The following SATB1 variants were observed in gnomAD, a reference collection of about 807,000 sequenced individuals.
The protein encoded by SATB1 is SATB homeobox 1.
Under a neutral mutation model 86.9 loss-of-function variants are expected in SATB1, and 11 were observed. The ratio of observed to expected loss-of-function variants is 0.13; its 90% CI spans 0.08 to 0.21. The LOEUF is 0.21. Among genes scored for constraint, SATB1 ranks in the 10% least tolerant of loss-of-function variants. The probability of loss-of-function intolerance (pLI) is 1.00; values close to 1 mark genes in which losing one functional copy is unlikely to be tolerated. For missense variants in SATB1, 551 were observed against 937.6 expected (o/e 0.59, Z 5.39); for synonymous variants, 357 against 357.2 (o/e 1.00, Z 0.01).
In SATB1 at chr3:18,349,836, C is replaced by T. The variant is rs77208230; in HGVS notation, c.1780-154G>A. 0.03 allele frequency: 39,826 copies of T among 1,331,962 alleles called. 683 individuals are homozygous for T. Among genetic ancestry groups the T allele is most frequent in the Non-Finnish European group, 0.034 (34,863 of 1,010,790 alleles). 82.5% of individuals were successfully genotyped at this position (1,331,962 alleles called of 1,614,324 possible). A position where few individuals can be genotyped will look rare whatever the true frequency, so the allele number is the denominator to read the frequency against. ...AGAAAAGGTAGGCCGGCGAAATGGC[C>T]GACAGCATTTACAAAAAAATCAAAA... On this transcript the variant is annotated intron_variant, in intron 10 of 10. Coordinates refer to ENST00000338745, the MANE Select transcript of SATB1 (RefSeq NM_002971.6). This position sits in a 1 kb window ranked among gnomAD's most constrained non-coding sequence, Gnocchi z 5.5.
In SATB1 at chr3:18,373,830, CTCTT is replaced by C. The variant is rs532889648; in HGVS notation, c.1575+4336_1575+4339del. On this transcript the variant is annotated intron_variant, in intron 9 of 10. Coordinates refer to ENST00000338745, the MANE Select transcript of SATB1 (RefSeq NM_002971.6). ...TGTTATTTTTGCATAGTCAGAAATGCTCTTTATTTATATTTTTTTGTATTAAAAA... is the reference window on the plus strand; with the variant it reads ...TGTTATTTTTGCATAGTCAGAAATGCTATTTATATTTTTTTGTATTAAAAA... 3.8e-3 allele frequency among the ~76,000 whole-genome samples: 584 copies of C among 152,212 alleles called. 1 individual carries two copies. The highest frequency in any genetic ancestry group is 0.013 in the African/African-American group (539 of 41,540).
intron 9 of SATB1, among the ~76,000 whole-genome samples, chr3:18,367,827 T>G (rs1188359604): frequency 6.6e-6 from 1 of 152,214 alleles, no homozygotes; most frequent in African/African-American, 2.4e-5. Flanking sequence ...AACTGGGGGA[T>G]AATTTTTTAT....
At chr3:18,353,231 G>A (rs1049994958) in intron 9 of SATB1, 1 of 152,408 alleles carries the variant, frequency 6.6e-6, no homozygotes, top group Non-Finnish European at 1.5e-5. Flanking sequence ...GGCTGACCCA[G>A]TGGCACAAAG....
chr3:18,433,844 A>C (rs923609004), intron 2 of SATB1, among the ~76,000 whole-genome samples: 1 of 152,124 alleles, frequency 6.6e-6, no homozygotes, highest in Non-Finnish European at 1.5e-5. Flanking sequence ...TGGACTATAC[A>C]TGGACATTTT....
chr3:18,355,528 T>A (rs1694587018), intron 9 of SATB1, among the ~76,000 whole-genome samples: 1 of 152,044 alleles, frequency 6.6e-6, no homozygotes, highest in Non-Finnish European at 1.5e-5. Flanking sequence ...ACAATATTTT[T>A]AATATCTAAC....
At chr3:18,366,287 T>C (rs1695180685) in intron 9 of SATB1, among the ~76,000 whole-genome samples, 1 of 152,104 alleles carries the variant, frequency 6.6e-6, no homozygotes, top group East Asian at 1.9e-4. Context: ...AAATGAGCTG[T>C]CACTCCCTGC....
intron 5 of SATB1, among the ~76,000 whole-genome samples, chr3:18,400,593 T>C (rs1238262463): frequency 6.6e-6 from 1 of 152,206 alleles, no homozygotes; most frequent in Non-Finnish European, 1.5e-5. Flanking sequence ...AAATAATGAC[T>C]TGAAGAGACA....
chr3:18,434,961 TG>T (rs1699011616), intron 2 of SATB1: 1 of 152,148 alleles, frequency 6.6e-6, no homozygotes, highest in East Asian at 1.9e-4. Flanking sequence ...TATCCATGAC[TG>T]GTAAATTCTT....
intron 5 of SATB1, among the ~76,000 whole-genome samples, chr3:18,402,834 G>A (rs539387752): frequency 4.6e-5 from 7 of 152,092 alleles, no homozygotes; most frequent in Non-Finnish European, 1.0e-4. Context: ...AAAGCTTTCA[G>A]GCTCCATCAG....
chr3:18,389,871 C>T (rs114233477), intron 7 of SATB1, among the ~76,000 whole-genome samples: 18 of 152,006 alleles, frequency 1.2e-4, no homozygotes, highest in Non-Finnish European at 2.5e-4. Context: ...TCAGAAGCTG[C>T]CTTTCATTGG....
At chr3:18,429,234 T>C (rs1698808989), upstream of SATB1, among the ~76,000 whole-genome samples, 1 of 152,222 alleles carries the variant, frequency 6.6e-6, no homozygotes, top group Admixed American at 6.5e-5. The surrounding 1 kb of genome is among the most constrained non-coding windows in gnomAD (Gnocchi z 4.1). Context: ...TCATTTTGTC[T>C]GTCTGGGATG....
chr3:18,432,988 A>G (rs187082190), intron 2 of SATB1, among the ~76,000 whole-genome samples: 1 of 152,236 alleles, frequency 6.6e-6, no homozygotes, highest in East Asian at 1.9e-4. Flanking sequence ...AGTCCAGTCT[A>G]TGCTACACAA....
rs2125217171 is a variant in SATB1 at position 18,444,934 on chromosome 3, G to C, written c.-25+584C>G. 7.2e-6 allele frequency: 1 copy of C among 137,948 alleles called. No homozygotes were observed. Among genetic ancestry groups the C allele is most frequent in the East Asian group, 2.3e-4 (1 of 4,306 alleles). 8.5% of individuals were successfully genotyped at this position (137,948 alleles called of 1,614,324 possible). On this transcript the variant is annotated intron_variant, in intron 1 of 3. Coordinates refer to the SATB1 transcript ENST00000415069. The surrounding 1 kb of genome is among the most constrained non-coding windows in gnomAD (Gnocchi z 5.1). ...GGGGGGGGGAGAAGGGGGAGGGGGC[G>C]GCGGCGGGGGCGGGAGGGGGAAGGG...
At position 18,443,772 on chromosome 3, in the gene SATB1, A is replaced by T. The variant is rs1699302334; in HGVS notation, c.-25+1746T>A. ...GCCACCGCGCTCGGGTCTGGACAGC[A>T]GGAGGGAAACACGGTGTGGACTGCG... On this transcript the variant is annotated intron_variant, in intron 1 of 3. Transcript: ENST00000415069. The surrounding 1 kb of genome is among the most constrained non-coding windows in gnomAD (Gnocchi z 4.4). Among the ~76,000 whole-genome samples, 3 of 152,164 alleles carry T rather than the reference A, an allele frequency of 2.0e-5. No individual in the cohort carries two copies. The South Asian group carries it at 6.2e-4, about 32-fold the overall frequency.
At chr3:18,408,991 G>A (rs1575154652) in intron 5 of SATB1, 1 of 151,856 alleles carries the variant, frequency 6.6e-6, no homozygotes, top group African/African-American at 2.4e-5. Flanking sequence ...GCAAAAAAAA[G>A]AAAGAGGAAA....
chr3:18,444,155 C>T lies in SATB1; in HGVS notation c.-25+1363G>A, dbSNP rs1699317148. ...GGAACATTACCACTCCCGCAGCCCA[C>T]TCCTCCAGGCACCTTACTGCCCGCC... On this transcript the variant is annotated intron_variant, in intron 1 of 3. Coordinates refer to the SATB1 transcript ENST00000415069. This position sits in a 1 kb window ranked among gnomAD's most constrained non-coding sequence, Gnocchi z 5.1. 6.6e-6 allele frequency among the ~76,000 whole-genome samples: 1 copy of T among 152,184 alleles called. No homozygotes were observed. Among genetic ancestry groups the T allele is most frequent in the African/African-American group, 2.4e-5 (1 of 41,450 alleles).
chr3:18,359,914 C>CT (rs1405795308), intron 9 of SATB1, among the ~76,000 whole-genome samples: 2 of 151,912 alleles, frequency 1.3e-5, no homozygotes, highest in Non-Finnish European at 2.9e-5. Context: ...TCCATTCTAC[C>CT]ACTATTGACT....
At chr3:18,399,479 A>G (rs978245968) in intron 5 of SATB1, among the ~76,000 whole-genome samples, 2 of 152,214 alleles carry the variant, frequency 1.3e-5, no homozygotes, top group African/African-American at 4.8e-5. Context: ...AGAATCATCC[A>G]TGGTGTGTGT....
At chr3:18,374,183 A>T (rs1281486554) in intron 9 of SATB1, among the ~76,000 whole-genome samples, 2 of 152,150 alleles carry the variant, frequency 1.3e-5, no homozygotes, top group Non-Finnish European at 2.9e-5. Context: ...TCCTTGCTGG[A>T]CACACACCTT....
Sources: allele counts gnomAD v4.1 joint callset (sites outside exome capture counted in the v4.1 genomes callset), GRCh38; gene constraint gnomAD v4.1.1; non-coding constraint Gnocchi (gnomAD v3.1); transcripts MANE v1.5; gene names NCBI Gene and HGNC (gene_info 2026-07-23, HGNC 2026-07-21).